PATJ: variants seen among roughly 807,000 people sequenced by gnomAD.
The protein encoded by PATJ is inaD-like protein.
A neutral mutation model predicts 224.9 loss-of-function variants in PATJ; 190 were observed. That is an observed-to-expected ratio of 0.84 (90% CI 0.75 to 0.95). PATJ has a LOEUF of 0.95. Ranked by LOEUF, PATJ falls within the 40% of genes least tolerant of loss-of-function variation. PATJ has a pLI of 0.00. For synonymous variants in PATJ, 769 were observed against 820.3 expected, an observed-to-expected ratio of 0.94 and a Z score of 1.07; for missense variants, 2,121 against 2,270.3, an observed-to-expected ratio of 0.93 and a Z score of 1.34.
At chr1:62,146,127 A>C (rs1229473608) in intron 41 of PATJ, among the ~76,000 whole-genome samples, 2 of 152,138 alleles carry the variant, frequency 1.3e-5, no homozygotes, top group Non-Finnish European at 2.9e-5. Context: ...AACCACACAG[A>C]TGCCAAATAC....
chr1:62,113,975 G>C, intron 34 of PATJ, 78 bp from the exon 35 acceptor site: 1 of 1,398,512 alleles, frequency 7.2e-7, no homozygotes, highest in Non-Finnish European at 9.9e-7. Flanking sequence ...TTACTGGTTA[G>C]ATCAAGGAGA....
chr1:62,085,179 T>C (rs1659802088), intron 33 of PATJ, among the ~76,000 whole-genome samples: 1 of 152,112 alleles, frequency 6.6e-6, no homozygotes, highest in Admixed American at 6.6e-5. Context: ...GGAGAATCAC[T>C]TGAACCCAGG....
chr1:61,859,652 CTT>C (rs972743190), intron 18 of PATJ, among the ~76,000 whole-genome samples: 1 of 151,914 alleles, frequency 6.6e-6, no homozygotes, highest in African/African-American at 2.4e-5. Context: ...GAGTTTCACT[CTT>C]GTTGCCCAGG....
chr1:61,867,494 G>C (rs1408974289), intron 20 of PATJ, among the ~76,000 whole-genome samples: 2 of 151,784 alleles, frequency 1.3e-5, no homozygotes, highest in Non-Finnish European at 2.9e-5. Context: ...CACTTTTAAG[G>C]CTGTAGATGA....
chr1:61,902,419 C>G (rs564603955), intron 24 of PATJ, among the ~76,000 whole-genome samples: 9 of 151,742 alleles, frequency 5.9e-5, no homozygotes, highest in Non-Finnish European at 1.3e-4. Flanking sequence ...TACAAAGAGC[C>G]CTGGATGTCA....
At chr1:62,035,627 T>C (rs1020804266) in intron 29 of PATJ, among the ~76,000 whole-genome samples, 6 of 151,390 alleles carry the variant, frequency 4.0e-5, no homozygotes, top group African/African-American at 1.5e-4. Context: ...TTTTTTTTTT[T>C]CAATAACTAT....
chr1:62,035,232 C>T (rs1236426740), intron 29 of PATJ, among the ~76,000 whole-genome samples: 1 of 152,172 alleles, frequency 6.6e-6, no homozygotes, highest in Non-Finnish European at 1.5e-5. Flanking sequence ...GCTCAAGGCA[C>T]CTGAAATGCA....
chr1:62,021,759 T>C (rs17122938), intron 29 of PATJ, among the ~76,000 whole-genome samples: 21,498 of 152,146 alleles, frequency 0.14, 1,653 homozygotes, highest in Middle Eastern at 0.24. Flanking sequence ...CTGATTTTGC[T>C]TATTTTAGAA....
In PATJ at chr1:61,766,351, G is replaced by T. The variant is rs1310139277; in HGVS notation, c.262G>T (p.Gly88Cys). 1 of 1,608,216 alleles carries T rather than the reference G, an allele frequency of 6.2e-7. No homozygotes were observed. Among genetic ancestry groups the T allele is most frequent in the East Asian group, 2.2e-5 (1 of 44,758 alleles). Residue 88 changes from glycine to cysteine, a missense_variant, in exon 4 of 44, where the codon GGT becomes TGT. By Grantham distance (159) the Gly-to-Cys change is radical. Transcript: ENST00000642238. ...SRKGLLVFTD[G>C]SITNGNVHRP... The stretch of plus-strand genomic sequence containing the variant: ...GAAAGGTTTGTTAGTGTTCACAGAT[G>T]GTTCCATCACTAATGGAAATGTCCA...
At chr1:61,963,335 C>G (rs536181850) in intron 27 of PATJ, among the ~76,000 whole-genome samples, 38 of 152,228 alleles carry the variant, frequency 2.5e-4, no homozygotes, top group African/African-American at 8.9e-4. Flanking sequence ...TGGCTCACAC[C>G]TGTAATCCCA....
chr1:62,148,204 AC>A, intron 41 of PATJ, 79 bp from the exon 42 acceptor site: 1 of 880,260 alleles, frequency 1.1e-6, no homozygotes, highest in Non-Finnish European at 1.9e-6. Context: ...AGGATTGAGA[AC>A]TGACCCTTGG....
intron 31 of PATJ, chr1:62,073,133 T>A (rs139438867): frequency 2.9e-5 from 29 of 985,308 alleles, no homozygotes; most frequent in Non-Finnish European, 3.4e-5. Flanking sequence ...TCTTCTGGGG[T>A]TGCGTGCGTT....
chr1:62,156,642 A>G (rs1341950493), intron 43 of PATJ, among the ~76,000 whole-genome samples: 1 of 151,888 alleles, frequency 6.6e-6, no homozygotes, highest in Admixed American at 6.6e-5. Flanking sequence ...GTGACTGGGC[A>G]CAGTGGTTCA....
chr1:61,890,199 C>G (rs1669407079), intron 22 of PATJ, among the ~76,000 whole-genome samples: 1 of 152,180 alleles, frequency 6.6e-6, no homozygotes, highest in Non-Finnish European at 1.5e-5. Context: ...TTCATACAGG[C>G]CAGGCGTGGT....
chr1:62,155,386 A>C (rs763324271), intron 43 of PATJ, among the ~76,000 whole-genome samples: 4 of 152,330 alleles, frequency 2.6e-5, no homozygotes, highest in Non-Finnish European at 5.9e-5. Context: ...TGATGGCACC[A>C]GAACATACAG....
intron 21 of PATJ, among the ~76,000 whole-genome samples, chr1:61,877,634 C>T (rs565686598): frequency 3.3e-5 from 5 of 152,164 alleles, no homozygotes; most frequent in East Asian, 1.9e-4. Context: ...TGAAGACATG[C>T]GTGCTTCCCC....
At chr1:61,894,265 A>ACG (rs1553194649) in intron 22 of PATJ, among the ~76,000 whole-genome samples, 1 of 131,304 alleles carries the variant, frequency 7.6e-6, no homozygotes, top group Non-Finnish European at 1.7e-5. Context: ...ATAAAAAAAA[A>ACG]AAAACACAAA....
chr1:61,885,578 G>C (rs1668703109), intron 22 of PATJ, among the ~76,000 whole-genome samples: 1 of 152,164 alleles, frequency 6.6e-6, no homozygotes, highest in Non-Finnish European at 1.5e-5. Context: ...CACTGTTGGT[G>C]GGACTATAAA....
At chr1:62,158,501 C>T (rs553856758) in intron 43 of PATJ, among the ~76,000 whole-genome samples, 33 of 148,436 alleles carry the variant, frequency 2.2e-4, no homozygotes, top group East Asian at 7.8e-4. Context: ...GGGCGGATCA[C>T]GAGGTCAGGA....
Sources: gnomAD v4.1 joint callset for allele counts (sites outside exome capture counted in the v4.1 genomes callset) on GRCh38, gnomAD v4.1.1 for gene constraint, MANE v1.5 for transcripts, NCBI Gene and HGNC (gene_info 2026-07-23, HGNC 2026-07-21) for gene names.